The following CAST variants were observed in gnomAD, a reference collection of about 807,000 sequenced individuals.
CAST encodes calpastatin.
In CAST, 76 loss-of-function variants were observed where a neutral mutation model predicts 119.6. The observed-to-expected ratio is 0.64, with a 90% confidence interval of 0.53 to 0.77. CAST has a LOEUF of 0.77. CAST is among the 30% of genes least tolerant of loss of function. The pLI is 0.00. For synonymous variants in CAST, 319 were observed against 331.6 expected, an observed-to-expected ratio of 0.96 and a Z score of 0.41; for missense variants, 953 against 946.5, an observed-to-expected ratio of 1.01 and a Z score of -0.09.
the CAST span, among the ~76,000 whole-genome samples, chr5:96,130,717 G>C: frequency 6.6e-6 from 1 of 151,908 alleles, no homozygotes; most frequent in Non-Finnish European, 1.5e-5. Flanking sequence ...CAAAGAGAGG[G>C]AAAGGCTATT....
the CAST span, among the ~76,000 whole-genome samples, chr5:96,243,644 C>T: frequency 2.0e-5 from 3 of 152,026 alleles, no homozygotes; most frequent in African/African-American, 7.2e-5. Context: ...TCAGTGAATG[C>T]CACCAATAAA....
At chr5:96,086,208 T>C in the CAST span, among the ~76,000 whole-genome samples, 1 of 147,014 alleles carries the variant, frequency 6.8e-6, no homozygotes, top group Admixed American at 6.6e-5. Flanking sequence ...TTTTATTTTA[T>C]TTTTTAATCT....
chr5:96,345,358 A>G, the CAST span, among the ~76,000 whole-genome samples: 1 of 152,250 alleles, frequency 6.6e-6, no homozygotes, highest in East Asian at 1.9e-4. Context: ...TTTTACTGAT[A>G]CAAATCTACC....
At chr5:96,167,701 G>A in the CAST span, among the ~76,000 whole-genome samples, 2 of 152,200 alleles carry the variant, frequency 1.3e-5, no homozygotes, top group African/African-American at 2.4e-5. Flanking sequence ...GAGGAATTCT[G>A]TCTGACAGAA....
At chr5:96,026,860 T>C in the CAST span, among the ~76,000 whole-genome samples, 41 of 152,330 alleles carry the variant, frequency 2.7e-4, no homozygotes, top group South Asian at 8.1e-3. Flanking sequence ...GCAAATGTTA[T>C]GTATGGTGGC....
intron 1 of CAST, among the ~76,000 whole-genome samples, chr5:96,602,123 T>C (rs1478385916): frequency 6.6e-6 from 1 of 152,148 alleles, no homozygotes; most frequent in Non-Finnish European, 1.5e-5. Context: ...CTGGTCTATA[T>C]ATGAGAATAC....
the CAST span, among the ~76,000 whole-genome samples, chr5:96,370,297 G>A: frequency 8.6e-5 from 13 of 152,036 alleles, no homozygotes; most frequent in Non-Finnish European, 1.8e-4. Context: ...CACTGTTAGA[G>A]ATTCTGGGGA....
At chr5:96,682,806 T>C (rs1751604317) in intron 2 of CAST, among the ~76,000 whole-genome samples, 1 of 152,204 alleles carries the variant, frequency 6.6e-6, no homozygotes, top group Admixed American at 6.5e-5. Context: ...TTTCATTCAT[T>C]ACAGAACATC....
At chr5:96,448,759 C>G in the CAST span, among the ~76,000 whole-genome samples, 2,897 of 152,114 alleles carry the variant, frequency 0.019, 84 homozygotes, top group African/African-American at 0.067. Context: ...CCATAAACAT[C>G]ATATCACTGA....
At chr5:96,425,808 G>A in the CAST span, 2 of 1,391,646 alleles carry the variant, frequency 1.4e-6, no homozygotes, top group East Asian at 2.3e-5. Context: ...TAGTCCTTCT[G>A]TAGGTACTTA....
At chr5:96,419,033 C>CAT in the CAST span, among the ~76,000 whole-genome samples, 1 of 151,836 alleles carries the variant, frequency 6.6e-6, no homozygotes, top group Non-Finnish European at 1.5e-5. Context: ...GTGTCCAAGC[C>CAT]ATATATATGT....
chr5:96,022,709 CTTAGT>C, the CAST span, among the ~76,000 whole-genome samples: 1 of 152,126 alleles, frequency 6.6e-6, no homozygotes, highest in African/African-American at 2.4e-5. Flanking sequence ...TACAAAGAGA[CTTAGT>C]TTAAAGAATT....
chr5:96,189,319 A>T, the CAST span, among the ~76,000 whole-genome samples: 2 of 152,068 alleles, frequency 1.3e-5, no homozygotes, highest in Non-Finnish European at 2.9e-5. Context: ...TTGTTCCTGA[A>T]AATTATTTTG....
At chr5:96,152,380 A>G in the CAST span, among the ~76,000 whole-genome samples, 1 of 152,130 alleles carries the variant, frequency 6.6e-6, no homozygotes, top group African/African-American at 2.4e-5. Context: ...TCAGTAAGGC[A>G]CCTTCCCAGG....
At chr5:96,687,164 G>A (rs1752179729) in intron 2 of CAST, among the ~76,000 whole-genome samples, 1 of 152,178 alleles carries the variant, frequency 6.6e-6, no homozygotes, top group Non-Finnish European at 1.5e-5. Flanking sequence ...AAGGCCAGCG[G>A]GTGATCAGAT....
intron 1 of CAST, among the ~76,000 whole-genome samples, chr5:96,531,681 A>C (rs1300016382): frequency 2.6e-5 from 4 of 152,208 alleles, no homozygotes; most frequent in Non-Finnish European, 5.9e-5. Context: ...AAGATAAATC[A>C]ACAGGTAAAG....
At chr5:96,331,837 C>T in the CAST span, among the ~76,000 whole-genome samples, 5 of 152,172 alleles carry the variant, frequency 3.3e-5, no homozygotes, top group Non-Finnish European at 5.9e-5. Context: ...AAATCCTTGT[C>T]TAACTGGTTT....
At chr5:96,410,893 T>C in the CAST span, 2 of 1,613,904 alleles carry the variant, frequency 1.2e-6, no homozygotes, top group African/African-American at 1.3e-5. Context: ...ATGGTGTAGA[T>C]GCTGTCTGTG....
the CAST span, among the ~76,000 whole-genome samples, chr5:96,044,205 G>C: frequency 2.0e-5 from 3 of 152,194 alleles, no homozygotes; most frequent in African/African-American, 7.2e-5. Flanking sequence ...GAATGTTTGT[G>C]TCCCATTCTC....
Sources: gnomAD v4.1 joint callset for allele counts (sites outside exome capture counted in the v4.1 genomes callset) on GRCh38, gnomAD v4.1.1 for gene constraint, MANE v1.5 for transcripts, NCBI Gene and HGNC (gene_info 2026-07-23, HGNC 2026-07-21) for gene names.